Variants in LRRTM3 observed in about 807,000 individuals in gnomAD.
The protein encoded by LRRTM3 is leucine rich repeat transmembrane neuronal 3.
LRRTM3 carries 24 observed loss-of-function variants against 44.7 expected under a neutral mutation model. The ratio of observed to expected loss-of-function variants is 0.54; its 90% confidence interval spans 0.39 to 0.76. LRRTM3 has a LOEUF of 0.76. Among genes scored for constraint, LRRTM3 ranks in the 30% least tolerant of loss-of-function variants. LRRTM3 has a pLI of 0.00. For missense variants in LRRTM3, 587 were observed against 702.2 expected, an observed-to-expected ratio of 0.84 and a Z score of 1.85; for synonymous variants, 277 against 278.7, an observed-to-expected ratio of 0.99 and a Z score of 0.06.
chr10:67,067,391 G>A (rs374076401), intron 2 of LRRTM3, among the ~76,000 whole-genome samples: 9 of 152,174 alleles, frequency 5.9e-5, no homozygotes, highest in East Asian at 1.9e-4. Flanking sequence ...TGATTTGCTC[G>A]TATTCACTTT....
At chr10:67,045,646 G>A (rs368608094) in intron 2 of LRRTM3, among the ~76,000 whole-genome samples, 1 of 152,140 alleles carries the variant, frequency 6.6e-6, no homozygotes, top group Admixed American at 6.5e-5. Flanking sequence ...AGGACTAGGG[G>A]CACTCCGCAC....
At chr10:66,998,636 A>G (rs551874253) in intron 2 of LRRTM3, among the ~76,000 whole-genome samples, 1 of 152,326 alleles carries the variant, frequency 6.6e-6, no homozygotes, top group African/African-American at 2.4e-5. Context: ...CTATGGAACA[A>G]TAAAGAAGGA....
chr10:67,018,035 G>A (rs1852770832), intron 2 of LRRTM3, among the ~76,000 whole-genome samples: 1 of 152,100 alleles, frequency 6.6e-6, no homozygotes, highest in Non-Finnish European at 1.5e-5. Flanking sequence ...GCCTCCCAAT[G>A]TGCTGGGATT....
intron 2 of LRRTM3, among the ~76,000 whole-genome samples, chr10:66,960,734 G>A (rs1270365412): frequency 6.6e-6 from 1 of 152,132 alleles, no homozygotes; most frequent in East Asian, 1.9e-4. Context: ...GGGAAATACA[G>A]AACAGAACAG....
intron 2 of LRRTM3, among the ~76,000 whole-genome samples, chr10:66,950,565 TA>T (rs2132718718): frequency 6.6e-6 from 1 of 152,172 alleles, no homozygotes; most frequent in African/African-American, 2.4e-5. Flanking sequence ...GTTCATATCA[TA>T]AAACATTGCA....
chr10:67,081,150 G>A (rs1857040131), intron 2 of LRRTM3, among the ~76,000 whole-genome samples: 1 of 152,054 alleles, frequency 6.6e-6, no homozygotes, highest in South Asian at 2.1e-4. Context: ...ATACATTTTT[G>A]AGCACATCAA....
chr10:66,996,922 G>A (rs1851387010), intron 2 of LRRTM3, among the ~76,000 whole-genome samples: 1 of 152,052 alleles, frequency 6.6e-6, no homozygotes, highest in African/African-American at 2.4e-5. Context: ...AGCTTTGTGA[G>A]TACTACTGGT....
intron 2 of LRRTM3, among the ~76,000 whole-genome samples, chr10:67,038,144 A>G (rs549482448): frequency 6.6e-6 from 1 of 152,244 alleles, no homozygotes; most frequent in Admixed American, 6.5e-5. Flanking sequence ...TTTCAGAGCA[A>G]GTTATTATAT....
chr10:67,050,731 A>C (rs1855039186), intron 2 of LRRTM3, among the ~76,000 whole-genome samples: 1 of 152,206 alleles, frequency 6.6e-6, no homozygotes, highest in Non-Finnish European at 1.5e-5. Flanking sequence ...AGCAGAAATG[A>C]CCACTCGCAT....
intron 2 of LRRTM3, among the ~76,000 whole-genome samples, chr10:67,042,693 GA>G (rs935878322): frequency 1.3e-5 from 2 of 151,426 alleles, no homozygotes; most frequent in African/African-American, 2.4e-5. Context: ...ACTATTAGAG[GA>G]AAAAAAAGAG....
At chr10:67,074,544 G>C (rs1856648601) in intron 2 of LRRTM3, among the ~76,000 whole-genome samples, 1 of 151,480 alleles carries the variant, frequency 6.6e-6, no homozygotes, top group South Asian at 2.1e-4. Context: ...TAGAGATGGG[G>C]TTTCACCATG....
chr10:67,018,298 T>C (rs1429654669), intron 2 of LRRTM3, among the ~76,000 whole-genome samples: 1 of 152,204 alleles, frequency 6.6e-6, no homozygotes, highest in Non-Finnish European at 1.5e-5. Context: ...GGTAGTTTAC[T>C]CTTCGCTTTC....
chr10:66,999,188 A>G (rs536820213), intron 2 of LRRTM3, among the ~76,000 whole-genome samples: 1 of 152,264 alleles, frequency 6.6e-6, no homozygotes, highest in South Asian at 2.1e-4. Flanking sequence ...CAAATATTTC[A>G]TTAAGACTTC....
At chr10:66,986,488 C>A (rs890208563) in intron 2 of LRRTM3, among the ~76,000 whole-genome samples, 24 of 122,920 alleles carry the variant, frequency 2.0e-4, no homozygotes, top group African/African-American at 5.9e-4. Context: ...CAGAGCAAGA[C>A]TCCATCTTGC....
At chr10:67,002,153 C>T (rs1589581104) in intron 2 of LRRTM3, among the ~76,000 whole-genome samples, 1 of 152,182 alleles carries the variant, frequency 6.6e-6, no homozygotes, top group Admixed American at 6.5e-5. Context: ...GGATTCAATT[C>T]ACTAATTTCC....
chr10:66,931,749 G>A (rs1285146279), intron 2 of LRRTM3, among the ~76,000 whole-genome samples: 1 of 152,062 alleles, frequency 6.6e-6, no homozygotes, highest in African/African-American at 2.4e-5. Context: ...TTATAGTAAT[G>A]CTGGAACAGA....
rs10586644 is a variant in LRRTM3, at chr10:67,017,725, C to CTGTGTG, written c.1537-79839_1537-79834dup. On this transcript the variant is annotated intron_variant, in intron 2 of 2. Transcript: ENST00000361320. ...CAAAATGTGATGTCACAAAAATCAT[C>CTGTGTG]TGTGTGTGTGTGTGTGTGTGTGTGT... Among the ~76,000 whole-genome samples the CTGTGTG allele has an allele frequency of 6.0e-3, 891 of 147,976 alleles. 13 individuals carry two copies. The highest frequency in any genetic ancestry group is 0.02 in the African/African-American group (798 of 40,308).
At chr10:67,062,099 T>C (rs752621769) in intron 2 of LRRTM3, among the ~76,000 whole-genome samples, 1 of 151,924 alleles carries the variant, frequency 6.6e-6, no homozygotes, top group Non-Finnish European at 1.5e-5. Flanking sequence ...TGAACCACTT[T>C]ATATATATAT....
chr10:67,071,328 G>C (rs7096959), intron 2 of LRRTM3, among the ~76,000 whole-genome samples: 19,308 of 110,150 alleles, frequency 0.18, 1,723 homozygotes, highest in African/African-American at 0.38. Flanking sequence ...TTTGTATTTT[G>C]GGTTTTTTTT....
Sources: gnomAD v4.1 joint callset for allele counts (sites outside exome capture counted in the v4.1 genomes callset) on GRCh38, gnomAD v4.1.1 for gene constraint, MANE v1.5 for transcripts, NCBI Gene and HGNC (gene_info 2026-07-23, HGNC 2026-07-21) for gene names.